The following BRCA1 variants were observed in gnomAD, a reference collection of about 807,000 sequenced individuals.
The protein encoded by BRCA1 is BRCA1 DNA repair associated, also known as breast cancer type 1 susceptibility protein.
In BRCA1, 140 loss-of-function variants were observed where a neutral mutation model predicts 173.7. The ratio of observed to expected loss-of-function variants is 0.81; its 90% CI spans 0.70 to 0.93. The LOEUF is 0.93. Ranked by LOEUF, BRCA1 falls within the 40% of genes least tolerant of loss-of-function variation. The pLI is 0.00. For synonymous variants in BRCA1, 662 were observed against 756.0 expected (o/e 0.88, Z 2.04); for missense variants, 1,983 against 2,172.5 (o/e 0.91, Z 1.73).
At chr17:43,122,509 AGT>A (rs1479447701) in intron 2 of BRCA1, among the ~76,000 whole-genome samples, 1 of 152,180 alleles carries the variant, frequency 6.6e-6, no homozygotes, top group Non-Finnish European at 1.5e-5. Flanking sequence ...GCTAGTAATC[AGT>A]GTTATGGAGA....
At chr17:43,118,707 G>C (rs1403148948) in intron 2 of BRCA1, among the ~76,000 whole-genome samples, 3 of 151,728 alleles carry the variant, frequency 2.0e-5, no homozygotes, top group African/African-American at 7.3e-5. Context: ...AAAGTGCTGG[G>C]ATTACAGGTG....
At chr17:43,114,423 G>A (rs1709437) in intron 3 of BRCA1, among the ~76,000 whole-genome samples, 3 of 139,256 alleles carry the variant, frequency 2.2e-5, no homozygotes, top group Non-Finnish European at 4.5e-5. Context: ...CCCTCTTGTC[G>A]CCCAGGCTGG....
intron 20 of BRCA1, 132 bp downstream of exon 20, chr17:43,050,931 G>A (rs1293104753): frequency 1.1e-6 from 1 of 891,700 alleles, no homozygotes; most frequent in Non-Finnish European, 1.8e-6. Flanking sequence ...TTGGAGAGTG[G>A]TAGAGAAATA....
intron 1 of BRCA1, among the ~76,000 whole-genome samples, chr17:43,140,892 G>T (rs1480189843): frequency 6.6e-6 from 1 of 152,172 alleles, no homozygotes; most frequent in Non-Finnish European, 1.5e-5. Context: ...CATCATGTTT[G>T]CCCTAATCAG....
chr17:43,067,551 G>A lies in BRCA1; in HGVS notation c.5074+57C>T, dbSNP rs564362551. The stretch of plus-strand genomic sequence containing the variant: ...TTACAGGCATGCGCCACCGTGCCTC[G>A]CCTCATGTGGTTTTATGCAGCAGAT... On this transcript the variant is annotated intron_variant, in intron 16 of 22. Coordinates refer to ENST00000357654, the MANE Select transcript of BRCA1 (RefSeq NM_007294.4). The A allele has an allele frequency of 4.5e-5, 65 of 1,433,200 alleles. No individual in the cohort carries two copies. In the East Asian group the frequency reaches 1.1e-3, roughly 24 times the overall value. 88.8% of individuals were successfully genotyped at this position (1,433,200 alleles called of 1,614,324 possible).
chr17:43,121,985 C>T (rs987975373), intron 2 of BRCA1, among the ~76,000 whole-genome samples: 1 of 152,106 alleles, frequency 6.6e-6, no homozygotes, highest in African/African-American at 2.4e-5. Flanking sequence ...TTTTCAAAAG[C>T]AGTTTTTTCC....
chr17:43,079,676 C>G, intron 12 of BRCA1: 1 of 965,780 alleles, frequency 1.0e-6, no homozygotes, highest in South Asian at 1.3e-5. Flanking sequence ...TACGTGGGTT[C>G]AACTGAAGCA....
chr17:43,100,609 C>CATATATATAACATATATATATTATAT (rs2054370754), intron 6 of BRCA1, among the ~76,000 whole-genome samples: 1 of 65,758 alleles, frequency 1.5e-5, no homozygotes, highest in African/African-American at 6.7e-5. Context: ...ATATATATAA[C>CATATATATAACATATATATATTATAT]ATATATATAA....
Position 43,092,904 on chromosome 17 carries a change from C to G in BRCA1, c.2627G>C (p.Gly876Ala), listed in dbSNP as rs2154367824. The G allele has an allele frequency of 6.2e-7, 1 of 1,613,892 alleles. No individual in the cohort carries two copies. The highest frequency in any genetic ancestry group is 8.5e-7 in the Non-Finnish European group (1 of 1,179,998). The part of the protein sequence containing the change: ...RQSFAPFSNP[G>A]NAEEECATFS... ...TGTTGCACATTCCTCTTCTGCATTTCCTGGATTTGAAAACGGAGCAAATGA... is the reference window on the plus strand; with the variant it reads ...TGTTGCACATTCCTCTTCTGCATTTGCTGGATTTGAAAACGGAGCAAATGA... Residue 876 changes from glycine to alanine, a missense_variant, in exon 10 of 23, where the codon GGA becomes GCA. Coordinates refer to ENST00000357654, the MANE Select transcript of BRCA1 (RefSeq NM_007294.4).
At position 43,063,337 on chromosome 17, in the gene BRCA1, T is replaced by C. The variant is rs80357171; in HGVS notation, c.5189A>G (p.Asn1730Ser). 18 of 1,609,448 alleles carry C rather than the reference T, an allele frequency of 1.1e-5. No homozygotes were observed. In the African/African-American group the frequency reaches 1.6e-4, roughly 14 times the overall value. ...TTTGTAACATCAAGTACTTACCTCA[T>C]TCAGCATTTTTCTTTCTTTAATAGA... The part of the protein sequence containing the change: ...TQSIKERKML[N>S]EHDFEVRGDV... The change falls in exon 18 of 23, where the codon AAT becomes AGT. Residue 1730 changes from asparagine (N) to serine (S), a missense_variant. Coordinates refer to ENST00000357654, the MANE Select transcript of BRCA1 (RefSeq NM_007294.4).
At chr17:43,100,558 G>GT (rs1280446904) in intron 6 of BRCA1, among the ~76,000 whole-genome samples, 2 of 35,910 alleles carry the variant, frequency 5.6e-5, no homozygotes, top group African/African-American at 1.8e-4. Flanking sequence ...GTGTGTGTGT[G>GT]TATATATATA....
chr17:43,122,882 T>TAA (rs1484586324), intron 2 of BRCA1, among the ~76,000 whole-genome samples: 13 of 145,302 alleles, frequency 8.9e-5, no homozygotes, highest in African/African-American at 3.1e-4. Context: ...CCGCCTCTAC[T>TAA]AAAAAAGAAA....
At chr17:43,166,337 G>A (rs949567571) in intron 1 of BRCA1, 1 of 152,346 alleles carries the variant, frequency 6.6e-6, no homozygotes, top group African/African-American at 2.4e-5. Context: ...GGGGTGGGGG[G>A]TCTAAAACCA....
At chr17:43,167,134 G>C (rs2056273275) in intron 1 of BRCA1, 1 of 152,282 alleles carries the variant, frequency 6.6e-6, no homozygotes, top group South Asian at 2.1e-4. Flanking sequence ...CGTGTTGCTC[G>C]GGCTGGTTGG....
chr17:43,156,948 C>A (rs1235500079), intron 1 of BRCA1, among the ~76,000 whole-genome samples: 1 of 152,144 alleles, frequency 6.6e-6, no homozygotes, highest in Non-Finnish European at 1.5e-5. Flanking sequence ...AAAAATGATT[C>A]AAATATTTTA....
At chr17:43,159,268 G>A (rs576093009) in intron 1 of BRCA1, among the ~76,000 whole-genome samples, 1 of 152,242 alleles carries the variant, frequency 6.6e-6, no homozygotes, top group Non-Finnish European at 1.5e-5. Flanking sequence ...GCATTTCACT[G>A]TATGTAAATT....
intron 11 of BRCA1, among the ~76,000 whole-genome samples, chr17:43,085,300 C>A (rs1234898076): frequency 1.3e-5 from 2 of 151,694 alleles, no homozygotes; most frequent in South Asian, 4.2e-4. Context: ...GGCGGAAGTG[C>A]AGTGAGCTGA....
At chr17:43,101,475 A>G (rs2054472444) in intron 6 of BRCA1, among the ~76,000 whole-genome samples, 5 of 151,612 alleles carry the variant, frequency 3.3e-5, no homozygotes, top group African/African-American at 1.2e-4. Context: ...GATTACAGGC[A>G]AGAGCCACTG....
intron 16 of BRCA1, among the ~76,000 whole-genome samples, chr17:43,064,425 T>A (rs1213876658): frequency 6.6e-6 from 1 of 152,022 alleles, no homozygotes; most frequent in Non-Finnish European, 1.5e-5. Flanking sequence ...ACCTGGGGAG[T>A]CCTAACCCTC....
Sources: gnomAD v4.1 joint callset for allele counts (sites outside exome capture counted in the v4.1 genomes callset) on GRCh38, gnomAD v4.1.1 for gene constraint, MANE v1.5 for transcripts, NCBI Gene and HGNC (gene_info 2026-07-23, HGNC 2026-07-21) for gene names.